The following SGPP1 variants were observed in gnomAD, a reference collection of about 807,000 sequenced individuals.
The protein encoded by SGPP1 is hSPP1.
In SGPP1, 21 loss-of-function variants were observed where a neutral mutation model predicts 33.0. The ratio of observed to expected loss-of-function variants is 0.64; its 90% CI spans 0.45 to 0.92. SGPP1 has a LOEUF of 0.92. SGPP1 is among the 40% of genes least tolerant of loss of function. The pLI, the probability that SGPP1 is intolerant of heterozygous loss-of-function variation, is 0.00. For missense variants in SGPP1, 543 were observed against 589.4 expected, an observed-to-expected ratio of 0.92 and a Z score of 0.81; for synonymous variants, 239 against 241.2, an observed-to-expected ratio of 0.99 and a Z score of 0.08.
At chr14:63,712,382 T>TC in intron 1 of SGPP1, among the ~76,000 whole-genome samples, 1 of 152,156 alleles carries the variant, frequency 6.6e-6, no homozygotes, top group Non-Finnish European at 1.5e-5. Context: ...TCTGAAAACT[T>TC]CCCCCACTTG....
chr14:63,719,349 G>T (rs1481336446), intron 1 of SGPP1, among the ~76,000 whole-genome samples: 1 of 151,500 alleles, frequency 6.6e-6, no homozygotes, highest in African/African-American at 2.4e-5. Flanking sequence ...TTATTTTGAG[G>T]AATATCAATA....
chr14:63,727,921 G>C lies in SGPP1; in HGVS notation c.24C>G (p.Ala8=). The part of the protein sequence containing the change: MSLRQRL[A]QLVGRLQDPQ... ...GGTCCTGCAGACGGCCAACCAGCTGGGCCAGGCGCTGCCTCAGCGACATGA... is the reference window on the plus strand; with the variant it reads ...GGTCCTGCAGACGGCCAACCAGCTGCGCCAGGCGCTGCCTCAGCGACATGA... The change falls in exon 1 of 3, where the codon GCC becomes GCG. Residue 8 remains alanine (A), a synonymous_variant. Coordinates refer to ENST00000247225, the MANE Select transcript of SGPP1 (RefSeq NM_030791.4). The C allele has an allele frequency of 6.5e-7, 1 of 1,545,394 alleles. No individual in the cohort carries two copies. The highest frequency in any genetic ancestry group is 8.7e-7 in the Non-Finnish European group (1 of 1,154,754).
At chr14:63,706,563 C>T (rs1265683057) in intron 1 of SGPP1, among the ~76,000 whole-genome samples, 1 of 152,170 alleles carries the variant, frequency 6.6e-6, no homozygotes, top group Non-Finnish European at 1.5e-5. Flanking sequence ...GTGTCTGGCA[C>T]ATAGTGCGCA....
At chr14:63,707,943 T>A (rs1296739491) in intron 1 of SGPP1, among the ~76,000 whole-genome samples, 1 of 152,012 alleles carries the variant, frequency 6.6e-6, no homozygotes, top group East Asian at 1.9e-4. Flanking sequence ...AAAAAGTGAG[T>A]GTGGTAGGCT....
At chr14:63,725,973 A>T (rs1885869465) in intron 1 of SGPP1, among the ~76,000 whole-genome samples, 1 of 152,220 alleles carries the variant, frequency 6.6e-6, no homozygotes, top group Non-Finnish European at 1.5e-5. Flanking sequence ...TACGCAAAAC[A>T]GGTAGCACTG....
At chr14:63,723,021 T>C (rs1885807112) in intron 1 of SGPP1, among the ~76,000 whole-genome samples, 1 of 151,038 alleles carries the variant, frequency 6.6e-6, no homozygotes, top group Non-Finnish European at 1.5e-5. Flanking sequence ...AAATAAAGTA[T>C]ACAGTTAAAA....
At chr14:63,715,403 GTATGT>G (rs112500832) in intron 1 of SGPP1, among the ~76,000 whole-genome samples, 1 of 152,132 alleles carries the variant, frequency 6.6e-6, no homozygotes. Flanking sequence ...ATAAAAATAT[GTATGT>G]TATTATTGTC....
rs145676381 is a variant in SGPP1 at position 63,696,753 on chromosome 14, A to G, written c.774+1816T>C. Among the ~76,000 whole-genome samples, 283 of 152,310 alleles carry G rather than the reference A, an allele frequency of 1.9e-3. 2 individuals are homozygous for G. The highest frequency in any genetic ancestry group is 3.6e-3 in the Admixed American group (55 of 15,300). ...GTAATCCCAGCACTTTGGGAGGCCA[A>G]GGCAGGTGGATTACCTGAGGTCAGG... On this transcript the variant is annotated intron_variant, in intron 2 of 2. Transcript: ENST00000247225.
At chr14:63,704,134 CA>C (rs756573057) in intron 1 of SGPP1, among the ~76,000 whole-genome samples, 7 of 152,190 alleles carry the variant, frequency 4.6e-5, no homozygotes, top group Non-Finnish European at 8.8e-5. Flanking sequence ...GCCCTTCTGT[CA>C]AAGTTCTAAT....
At chr14:63,689,919 G>C (rs1302010225) in intron 2 of SGPP1, among the ~76,000 whole-genome samples, 2 of 152,094 alleles carry the variant, frequency 1.3e-5, no homozygotes, top group Admixed American at 1.3e-4. Flanking sequence ...ATTATATGTA[G>C]TTATCGGTCA....
At chr14:63,721,845 T>C (rs74058055) in intron 1 of SGPP1, among the ~76,000 whole-genome samples, 1,926 of 152,352 alleles carry the variant, frequency 0.013, 36 homozygotes, top group African/African-American at 0.043. Context: ...TCTTCATACA[T>C]GTTTAAAACA....
chr14:63,686,519 G>A lies in SGPP1; in HGVS notation c.912C>T (p.Ile304=). Residue 304 remains isoleucine (I), a synonymous_variant, in exon 3 of 3, where the codon ATC becomes ATT. Coordinates refer to ENST00000247225, the MANE Select transcript of SGPP1 (RefSeq NM_030791.4). ...IIIGLHLALG[I]FSFTLDTWST... The stretch of plus-strand genomic sequence containing the variant: ...TCCAGGTGTCAAGAGTGAAAGAAAA[G>A]ATCCCCAAAGCTAAATGAAGCCCGA... 6.2e-7 allele frequency: 1 copy of A among 1,614,008 alleles called. No homozygotes were observed. Among genetic ancestry groups the A allele is most frequent in the African/African-American group, 1.3e-5 (1 of 75,008 alleles).
intron 1 of SGPP1, among the ~76,000 whole-genome samples, chr14:63,724,426 G>C (rs1054640129): frequency 6.6e-6 from 1 of 151,892 alleles, no homozygotes; most frequent in Non-Finnish European, 1.5e-5. Context: ...ACAGCAGATA[G>C]GCAAGACTGC....
In SGPP1 at chr14:63,684,546, C is replaced by A. The variant is rs1011621506; in HGVS notation, c.*1559G>T. On this transcript the variant is annotated 3_prime_UTR_variant, in exon 3 of 3. Transcript: ENST00000247225. ...CAGTTTTGGTAAAAATTACCATGCC[C>A]CTAAATTCTCAATCAGAATTATAAA... is the stretch of plus-strand genomic sequence containing the variant. 6.6e-6 allele frequency: 1 copy of A among 152,336 alleles called. No individual in the cohort carries two copies. The highest frequency in any genetic ancestry group is 2.4e-5 in the African/African-American group (1 of 41,400). 9.4% of individuals were successfully genotyped at this position (152,336 alleles called of 1,614,324 possible). A position where few individuals can be genotyped will look rare whatever the true frequency, so the allele number is the denominator to read the frequency against.
intron 2 of SGPP1, among the ~76,000 whole-genome samples, chr14:63,695,066 AT>A (rs1455815062): frequency 1.3e-5 from 2 of 150,016 alleles, no homozygotes; most frequent in Non-Finnish European, 1.5e-5. Flanking sequence ...ATTTTATTTT[AT>A]TTTTTTTGAG....
rs1208826187 is a variant in SGPP1, at chr14:63,685,181, T to C, written c.*924A>G. ...TAAATTGGTGAGAAAGTTTAGCCCA[T>C]TCCACATTTCTTTCTAAATAAAGGC... On this transcript the variant is annotated 3_prime_UTR_variant, in exon 3 of 3. Transcript: ENST00000247225. The C allele has an allele frequency of 6.6e-6, 1 of 152,436 alleles. No homozygotes were observed. Among genetic ancestry groups the C allele is most frequent in the East Asian group, 1.9e-4 (1 of 5,204 alleles). 9.4% of individuals were successfully genotyped at this position (152,436 alleles called of 1,614,324 possible).
chr14:63,719,664 A>T (rs761025680), intron 1 of SGPP1, among the ~76,000 whole-genome samples: 15 of 152,014 alleles, frequency 9.9e-5, no homozygotes, highest in Admixed American at 2.6e-4. Flanking sequence ...ATATATTGGA[A>T]CAGCATGCAA....
chr14:63,695,730 G>C (rs1427525447), intron 2 of SGPP1, among the ~76,000 whole-genome samples: 1 of 152,074 alleles, frequency 6.6e-6, no homozygotes, highest in Non-Finnish European at 1.5e-5. Flanking sequence ...GGGCAGCATA[G>C]CTAGACCCTA....
intron 1 of SGPP1, among the ~76,000 whole-genome samples, chr14:63,725,515 T>G (rs1885861291): frequency 6.6e-6 from 1 of 152,234 alleles, no homozygotes; most frequent in South Asian, 2.1e-4. Flanking sequence ...AGTTTGAAAC[T>G]AAGTGATTTC....
Sources: allele counts gnomAD v4.1 joint callset (sites outside exome capture counted in the v4.1 genomes callset), GRCh38; gene constraint gnomAD v4.1.1; transcripts MANE v1.5; gene names NCBI Gene and HGNC (gene_info 2026-07-23, HGNC 2026-07-21).